DPP6: variants seen among roughly 807,000 people sequenced by gnomAD.
DPP6 encodes dipeptidyl peptidase like 6.
DPP6 carries 69 observed loss-of-function variants against 122.6 expected under a neutral mutation model. The ratio of observed to expected loss-of-function variants is 0.56; its 90% CI spans 0.46 to 0.69. DPP6 has a LOEUF of 0.69. Ranked by LOEUF, DPP6 falls within the 30% of genes least tolerant of loss-of-function variation. The pLI, the probability that DPP6 is intolerant of heterozygous loss-of-function variation, is 0.00. For missense variants in DPP6, 928 were observed against 1,116.9 expected, an observed-to-expected ratio of 0.83 and a Z score of 2.41; for synonymous variants, 418 against 433.1, an observed-to-expected ratio of 0.97 and a Z score of 0.43.
intron 1 of DPP6, among the ~76,000 whole-genome samples, chr7:154,341,348 G>A (rs2151060876): frequency 6.6e-6 from 1 of 152,230 alleles, no homozygotes; most frequent in Non-Finnish European, 1.5e-5. Flanking sequence ...ACCTGGAGAG[G>A]TGGTTATGTA....
chr7:154,313,916 G>A (rs1335928056), intron 1 of DPP6, among the ~76,000 whole-genome samples: 2 of 151,236 alleles, frequency 1.3e-5, no homozygotes, highest in African/African-American at 2.4e-5. Flanking sequence ...AGGTCATATG[G>A]TACATATGAC....
intron 1 of DPP6, among the ~76,000 whole-genome samples, chr7:154,345,032 G>C (rs546845814): frequency 1.3e-5 from 2 of 152,162 alleles, no homozygotes; most frequent in African/African-American, 4.8e-5. Flanking sequence ...CGCTGGTACC[G>C]TTAGTTGGTT....
intron 1 of DPP6, among the ~76,000 whole-genome samples, chr7:154,295,496 C>G (rs1164453133): frequency 6.6e-6 from 1 of 152,058 alleles, no homozygotes; most frequent in East Asian, 1.9e-4. Flanking sequence ...TGCAGAGGGC[C>G]CTCAGTACAT....
intron 16 of DPP6, among the ~76,000 whole-genome samples, chr7:154,848,269 T>C (rs1215314226): frequency 6.6e-6 from 1 of 152,200 alleles, no homozygotes; most frequent in East Asian, 1.9e-4. Flanking sequence ...GAAATAGTTT[T>C]ACTAATTTAC....
the DPP6 span, among the ~76,000 whole-genome samples, chr7:153,867,208 G>A: frequency 6.6e-6 from 1 of 152,136 alleles, no homozygotes; most frequent in African/African-American, 2.4e-5. Context: ...TAGCTTGAGG[G>A]GGATGGCATT....
intron 1 of DPP6, among the ~76,000 whole-genome samples, chr7:154,151,506 T>C (rs115223234): frequency 0.012 from 1,843 of 152,328 alleles, 23 homozygotes; most frequent in African/African-American, 0.041. Context: ...TCCAATTGTG[T>C]TCGACGGGAA....
At chr7:154,830,541 G>GA (rs1199131299) in intron 16 of DPP6, among the ~76,000 whole-genome samples, 1 of 152,230 alleles carries the variant, frequency 6.6e-6, no homozygotes, top group Non-Finnish European at 1.5e-5. Flanking sequence ...CTGTCCAGTG[G>GA]AAAAACCTTA....
intron 1 of DPP6, among the ~76,000 whole-genome samples, chr7:154,419,194 T>C (rs1228695952): frequency 3.3e-5 from 5 of 152,220 alleles, no homozygotes; most frequent in Non-Finnish European, 4.4e-5. Context: ...CATTCCTCTT[T>C]CCTTGAATGG....
At chr7:154,394,489 T>TTA (rs1313889225) in intron 1 of DPP6, among the ~76,000 whole-genome samples, 7 of 26,730 alleles carry the variant, frequency 2.6e-4, no homozygotes, top group South Asian at 2.4e-3. Flanking sequence ...TAATTCCTTA[T>TTA]TACATATATA....
chr7:154,781,101 T>A (rs74352151), intron 10 of DPP6, among the ~76,000 whole-genome samples: 4,602 of 151,614 alleles, frequency 0.03, 231 homozygotes, highest in African/African-American at 0.11. Flanking sequence ...GATAGAGGGA[T>A]GATGGATGAA....
intron 1 of DPP6, among the ~76,000 whole-genome samples, chr7:154,346,963 G>A (rs1167995833): frequency 2.0e-5 from 3 of 152,090 alleles, no homozygotes; most frequent in Admixed American, 2.0e-4. Context: ...TCTAGAGATG[G>A]ATGTGAGAAA....
chr7:153,939,470 A>G (rs2129016226), intron 1 of DPP6, among the ~76,000 whole-genome samples: 1 of 152,218 alleles, frequency 6.6e-6, no homozygotes, highest in East Asian at 1.9e-4. Context: ...ACCAACAATT[A>G]CTGAAATTAG....
intron 7 of DPP6, among the ~76,000 whole-genome samples, chr7:154,689,691 T>C (rs949922249): frequency 9.2e-5 from 14 of 152,224 alleles, no homozygotes; most frequent in Admixed American, 1.3e-4. Context: ...AACACAAAAC[T>C]ATGCAACTAT....
chr7:154,490,716 G>A (rs955964715), intron 3 of DPP6, among the ~76,000 whole-genome samples: 2 of 152,170 alleles, frequency 1.3e-5, no homozygotes, highest in African/African-American at 2.4e-5. Flanking sequence ...TGTATCTAAC[G>A]TGTTGCTGGT....
At chr7:153,941,516 C>G (rs896974679) in intron 1 of DPP6, among the ~76,000 whole-genome samples, 5 of 152,284 alleles carry the variant, frequency 3.3e-5, no homozygotes, top group African/African-American at 4.8e-5. Context: ...TGGCAGGACA[C>G]TGCTGGAGAG....
chr7:154,083,421 A>G (rs1804175411), intron 1 of DPP6, among the ~76,000 whole-genome samples: 2 of 151,596 alleles, frequency 1.3e-5, no homozygotes, highest in Non-Finnish European at 2.9e-5. Flanking sequence ...GCCTATATAC[A>G]TGGAAGTTCT....
intron 16 of DPP6, among the ~76,000 whole-genome samples, chr7:154,840,480 A>C (rs1459552804): frequency 6.6e-6 from 1 of 152,148 alleles, no homozygotes; most frequent in Admixed American, 6.5e-5. Flanking sequence ...ATGGACTCCC[A>C]TGTACTCCAT....
At chr7:153,905,553 C>CA (rs1297480855) in intron 1 of DPP6, among the ~76,000 whole-genome samples, 1 of 151,640 alleles carries the variant, frequency 6.6e-6, no homozygotes, top group Admixed American at 6.6e-5. Context: ...ATTGTCAATC[C>CA]AAGGCAGAAT....
At chr7:154,338,480 A>G (rs1445617626) in intron 1 of DPP6, among the ~76,000 whole-genome samples, 2 of 152,240 alleles carry the variant, frequency 1.3e-5, no homozygotes, top group Admixed American at 1.3e-4. Flanking sequence ...TCAGGTACTT[A>G]ACAGCATGCA....
Sources: gnomAD v4.1 joint callset for allele counts (sites outside exome capture counted in the v4.1 genomes callset) on GRCh38, gnomAD v4.1.1 for gene constraint, MANE v1.5 for transcripts, NCBI Gene and HGNC (gene_info 2026-07-23, HGNC 2026-07-21) for gene names.